The following KCNQ5 variants were observed in gnomAD, a reference collection of about 807,000 sequenced individuals.
KCNQ5 encodes potassium voltage-gated channel subfamily Q member 5.
A neutral mutation model predicts 98.2 loss-of-function variants in KCNQ5; 30 were observed. That is an observed-to-expected ratio of 0.31 (90% confidence interval 0.23 to 0.41). The LOEUF (loss-of-function observed/expected upper bound fraction) is 0.41. Among genes scored for constraint, KCNQ5 ranks in the 10% least tolerant of loss-of-function variants. KCNQ5 has a pLI of 1.00. For synonymous variants in KCNQ5, 458 were observed against 449.4 expected (o/e 1.02, Z -0.24); for missense variants, 835 against 1,182.5 (o/e 0.71, Z 4.31).
At chr6:73,112,385 G>A (rs1361340562) in intron 7 of KCNQ5, among the ~76,000 whole-genome samples, 1 of 149,766 alleles carries the variant, frequency 6.7e-6, no homozygotes, top group South Asian at 2.1e-4. Flanking sequence ...CCGCTTTGTC[G>A]CCCAGGCTGG....
At chr6:72,973,329 C>T (rs939365678) in intron 1 of KCNQ5, among the ~76,000 whole-genome samples, 1 of 152,066 alleles carries the variant, frequency 6.6e-6, no homozygotes, top group South Asian at 2.1e-4. Context: ...CTAAAAAAAC[C>T]TAAGTCACTC....
intron 10 of KCNQ5, among the ~76,000 whole-genome samples, chr6:73,146,505 G>A (rs1052883244): frequency 6.6e-6 from 1 of 151,758 alleles, no homozygotes; most frequent in Non-Finnish European, 1.5e-5. Context: ...CAGGCCTATA[G>A]CCCCAGCCAC....
rs1232282083 is a variant in KCNQ5 at position 73,158,155 on chromosome 6, GC to G, written c.1469-11590del. ...GGTTGCTCCTGGTGCGGGGGAGGGG[GC>G]GGGGCGGCGGGAAGGGAACGTCCGG... On this transcript the variant is annotated intron_variant, in intron 10 of 13. Coordinates refer to ENST00000370398, the MANE Select transcript of KCNQ5 (RefSeq NM_019842.4). The G allele has an allele frequency of 5.8e-3, 2,085 of 358,532 alleles. 20 individuals carry two copies. Among genetic ancestry groups the G allele is most frequent in the Non-Finnish European group, 9.0e-3 (1,673 of 186,164 alleles). The allele number at this position is 358,532 out of a possible 1,614,324, so 22.2% of individuals were successfully genotyped here. A position where few individuals can be genotyped will look rare whatever the true frequency, so the allele number is the denominator to read the frequency against.
intron 1 of KCNQ5, chr6:72,967,621 T>C (rs1469236023): frequency 6.5e-6 from 1 of 154,138 alleles, no homozygotes; most frequent in Non-Finnish European, 1.5e-5. Context: ...CTCAAGAATG[T>C]AGAGTTTTCC....
intron 1 of KCNQ5, among the ~76,000 whole-genome samples, chr6:72,984,108 A>T (rs867112286): frequency 8.5e-5 from 13 of 152,144 alleles, no homozygotes; most frequent in South Asian, 2.1e-4. Flanking sequence ...ATCGGGCTGT[A>T]TGAGGTGTCA....
At chr6:73,111,208 G>A (rs750734690) in intron 6 of KCNQ5, 100 bp from the exon 7 acceptor site, 7 of 780,954 alleles carry the variant, frequency 9.0e-6, no homozygotes, top group South Asian at 3.1e-5. Flanking sequence ...GTTACATACC[G>A]TTTGTCTTCT....
intron 3 of KCNQ5, among the ~76,000 whole-genome samples, chr6:73,051,920 A>C (rs2150366447): frequency 6.6e-6 from 1 of 152,276 alleles, no homozygotes; most frequent in Admixed American, 6.5e-5. Context: ...AGAAATCAGA[A>C]TGTGGATAGG....
rs1765838885 is a variant in KCNQ5, at chr6:73,197,621, A to G, written c.*2207A>G. Reference sequence around the variant, plus strand: ...CACACACACACACACACACACACACACACACACACACACACACACACCCCT... The same window carrying G: ...CACACACACACACACACACACACACGCACACACACACACACACACACCCCT... On this transcript the variant is annotated 3_prime_UTR_variant, in exon 14 of 14. Coordinates refer to ENST00000370398, the MANE Select transcript of KCNQ5 (RefSeq NM_019842.4). 7.6e-6 allele frequency: 1 copy of G among 131,630 alleles called. No individual in the cohort carries two copies. Among genetic ancestry groups the G allele is most frequent in the Non-Finnish European group, 1.7e-5 (1 of 58,768 alleles). The allele number at this position is 131,630 out of a possible 1,614,324, so 8.2% of individuals were successfully genotyped here.
chr6:72,893,370 T>A (rs9360612), intron 1 of KCNQ5, among the ~76,000 whole-genome samples: 44,606 of 151,990 alleles, frequency 0.29, 6,819 homozygotes, highest in Non-Finnish European at 0.32. Flanking sequence ...TTTCTGCCAG[T>A]TTGTAAGTGT....
chr6:72,969,729 G>T (rs1373619135), intron 1 of KCNQ5, among the ~76,000 whole-genome samples: 1 of 151,942 alleles, frequency 6.6e-6, no homozygotes, highest in Non-Finnish European at 1.5e-5. Flanking sequence ...TCCCTGTGTT[G>T]AATTCAGTAC....
intron 1 of KCNQ5, among the ~76,000 whole-genome samples, chr6:72,961,747 G>C (rs990538330): frequency 6.6e-6 from 1 of 152,042 alleles, no homozygotes; most frequent in African/African-American, 2.4e-5. Context: ...GAACAAATGA[G>C]CTTGAAAATG....
chr6:72,985,641 T>C (rs957949822), intron 1 of KCNQ5, among the ~76,000 whole-genome samples: 15 of 152,180 alleles, frequency 9.9e-5, no homozygotes, highest in African/African-American at 3.6e-4. Flanking sequence ...TGGCTAGTAT[T>C]GAAAAGTCAA....
intron 1 of KCNQ5, among the ~76,000 whole-genome samples, chr6:73,000,105 G>T (rs776402150): frequency 1.1e-4 from 17 of 152,236 alleles, no homozygotes; most frequent in Admixed American, 7.2e-4. Context: ...AGAGAGGTGC[G>T]TTGGGGTCAT....
intron 5 of KCNQ5, among the ~76,000 whole-genome samples, chr6:73,088,506 T>C (rs1423999275): frequency 2.6e-5 from 4 of 152,212 alleles, no homozygotes; most frequent in Non-Finnish European, 5.9e-5. Context: ...ATTCCTTAAA[T>C]GTCTGTGTTT....
At chr6:73,006,601 C>T (rs565599718) in intron 2 of KCNQ5, among the ~76,000 whole-genome samples, 2 of 152,154 alleles carry the variant, frequency 1.3e-5, no homozygotes, top group Admixed American at 6.5e-5. Context: ...TGCAGTGAAC[C>T]GGGATCGCAC....
At chr6:73,125,420 A>G (rs1775937665) in intron 9 of KCNQ5, 1 of 518,332 alleles carries the variant, frequency 1.9e-6, no homozygotes, top group Non-Finnish European at 3.9e-6. Context: ...AGAACCAGCA[A>G]GGAGAATCCC....
Position 73,198,703 on chromosome 6 carries a change from T to C in KCNQ5, c.*3289T>C, listed in dbSNP as rs1447935981. ...CATTTAAGTAAGCAGTTCTAAGTCA[T>C]GTATGACAATGCAATTGTCTGTTTC... On this transcript the variant is annotated 3_prime_UTR_variant, in exon 14 of 14. Coordinates refer to ENST00000370398, the MANE Select transcript of KCNQ5 (RefSeq NM_019842.4). The C allele has an allele frequency of 6.6e-6, 1 of 152,244 alleles. No individual in the cohort carries two copies. The highest frequency in any genetic ancestry group is 2.4e-5 in the African/African-American group (1 of 41,462). 9.4% of individuals were successfully genotyped at this position (152,244 alleles called of 1,614,324 possible). A position where few individuals can be genotyped will look rare whatever the true frequency, so the allele number is the denominator to read the frequency against.
At chr6:73,189,349 T>A (rs1765503345) in intron 11 of KCNQ5, among the ~76,000 whole-genome samples, 1 of 152,208 alleles carries the variant, frequency 6.6e-6, no homozygotes, top group African/African-American at 2.4e-5. Context: ...TACAGATAAA[T>A]GATTCAGGAA....
chr6:72,852,121 T>C (rs567574746), intron 1 of KCNQ5, among the ~76,000 whole-genome samples: 70 of 152,238 alleles, frequency 4.6e-4, no homozygotes, highest in African/African-American at 1.7e-3. Flanking sequence ...TCTTTAGCAA[T>C]ATTAAAGAGA....
Sources: allele counts gnomAD v4.1 joint callset (sites outside exome capture counted in the v4.1 genomes callset), GRCh38; gene constraint gnomAD v4.1.1; transcripts MANE v1.5; gene names NCBI Gene and HGNC (gene_info 2026-07-23, HGNC 2026-07-21).